The following NXPH1 variants were observed in gnomAD, a reference collection of about 807,000 sequenced individuals.
NXPH1 encodes neurexophilin-1.
A neutral mutation model predicts 23.7 loss-of-function variants in NXPH1; 5 were observed. The observed-to-expected ratio is 0.21, with a 90% CI of 0.11 to 0.44. The LOEUF (loss-of-function observed/expected upper bound fraction) is 0.44, where lower values mean the gene tolerates loss of function less well. Among genes scored for constraint, NXPH1 ranks in the 20% least tolerant of loss-of-function variants. The pLI is 0.99. For synonymous variants in NXPH1, 144 were observed against 122.2 expected, an observed-to-expected ratio of 1.18 and a Z score of -1.18; for missense variants, 324 against 321.6, an observed-to-expected ratio of 1.01 and a Z score of -0.06.
At chr7:8,649,163 A>T (rs1316230700) in intron 2 of NXPH1, among the ~76,000 whole-genome samples, 4 of 152,168 alleles carry the variant, frequency 2.6e-5, no homozygotes, top group African/African-American at 9.6e-5. Context: ...TTACAAAAAG[A>T]TGAAAGTCTG....
rs1410877144 is a variant in NXPH1 at position 8,718,605 on chromosome 7, CA to C, written c.55-32402del. Among the ~76,000 whole-genome samples the C allele has an allele frequency of 2.0e-5, 3 of 152,124 alleles. No homozygotes were observed. In the East Asian group the frequency reaches 5.8e-4, roughly 29 times the overall value. ...TAAAAATCTTTCTCAAAATGTAAAA[CA>C]GGGGGCAAGAGTTAATAGGATATTT... On this transcript the variant is annotated intron_variant, in intron 2 of 2. Transcript: ENST00000405863.
chr7:8,459,638 C>G (rs766897419), intron 2 of NXPH1, among the ~76,000 whole-genome samples: 1 of 152,116 alleles, frequency 6.6e-6, no homozygotes, highest in African/African-American at 2.4e-5. Flanking sequence ...TTCCAGTCTA[C>G]TAAACTTTTC....
intron 2 of NXPH1, among the ~76,000 whole-genome samples, chr7:8,540,965 T>A (rs544092041): frequency 6.6e-6 from 1 of 151,712 alleles, no homozygotes; most frequent in African/African-American, 2.4e-5. Flanking sequence ...GAACAAAGCT[T>A]AAGTATATTT....
In NXPH1 at chr7:8,751,766, A is replaced by T. The variant is rs779110302; in HGVS notation, c.813A>T (p.Gly271=). 3 of 1,606,578 alleles carry T rather than the reference A, an allele frequency of 1.9e-6. No homozygotes were observed. The highest frequency in any genetic ancestry group is 1.7e-6 in the Non-Finnish European group (2 of 1,176,324). ...GTGACACACCTTACTTTCCCTCGGGATGAAGGTGAACATGGGGGTGAGACT... is the reference window on the plus strand; with the variant it reads ...GTGACACACCTTACTTTCCCTCGGGTTGAAGGTGAACATGGGGGTGAGACT... ...YHSDTPYFPS[G] is the part of the protein sequence containing the mutation. The change falls in exon 3 of 3, where the codon GGA becomes GGT. Residue 271 remains glycine, a synonymous_variant. Coordinates refer to ENST00000405863, the MANE Select transcript of NXPH1 (RefSeq NM_152745.3). The surrounding 1 kb of genome is among the most constrained non-coding windows in gnomAD (Gnocchi z 4.5).
intron 2 of NXPH1, among the ~76,000 whole-genome samples, chr7:8,563,482 T>C (rs1186370362): frequency 6.6e-6 from 1 of 151,702 alleles, no homozygotes; most frequent in East Asian, 2.0e-4. Context: ...GAAAGCATAA[T>C]ATGTTGATGT....
rs183235968 is a variant in NXPH1, at chr7:8,707,686, C to A, written c.55-43322C>A. ...AGCAGTAAGACATATGAGAGATGAG[C>A]ATTGGTCTAATATTCAAAGGCCTAA... On this transcript the variant is annotated intron_variant, in intron 2 of 2. Transcript: ENST00000405863. Among the ~76,000 whole-genome samples, 75 of 152,100 alleles carry A rather than the reference C, an allele frequency of 4.9e-4. 1 individual carries two copies. The highest frequency in any genetic ancestry group is 1.7e-3 in the African/African-American group (72 of 41,490).
At chr7:8,643,250 A>G (rs186397848) in intron 2 of NXPH1, among the ~76,000 whole-genome samples, 143 of 152,144 alleles carry the variant, frequency 9.4e-4, no homozygotes, top group Middle Eastern at 3.4e-3. Context: ...CATTTTCGCT[A>G]TTTTATCTTG....
chr7:8,632,118 G>A (rs4629749), intron 2 of NXPH1, among the ~76,000 whole-genome samples: 41,751 of 151,808 alleles, frequency 0.28, 6,171 homozygotes, highest in African/African-American at 0.35. Context: ...GATGGCTGTG[G>A]TAACTTGAAA....
intron 2 of NXPH1, among the ~76,000 whole-genome samples, chr7:8,555,899 A>G (rs1306407865): frequency 6.6e-6 from 1 of 151,684 alleles, no homozygotes; most frequent in Non-Finnish European, 1.5e-5. Context: ...TCTATGTCCT[A>G]TGTCCCCACT....
At chr7:8,688,207 C>G (rs1197488093) in intron 2 of NXPH1, among the ~76,000 whole-genome samples, 1 of 152,076 alleles carries the variant, frequency 6.6e-6, no homozygotes, top group Non-Finnish European at 1.5e-5. Context: ...GCTCTAGGAT[C>G]TGATGTTCTT....
At chr7:8,694,872 GTTAAA>G (rs1821280788) in intron 2 of NXPH1, among the ~76,000 whole-genome samples, 2 of 152,268 alleles carry the variant, frequency 1.3e-5, no homozygotes, top group South Asian at 2.1e-4. Context: ...AAAAATAACT[GTTAAA>G]TTAAGTTTAA....
chr7:8,586,376 A>C (rs1261827629), intron 2 of NXPH1, among the ~76,000 whole-genome samples: 1 of 152,122 alleles, frequency 6.6e-6, no homozygotes, highest in East Asian at 1.9e-4. Context: ...TAATTCATAG[A>C]AACTTAATTA....
At chr7:8,723,393 A>C (rs963257376) in intron 2 of NXPH1, among the ~76,000 whole-genome samples, 4 of 152,186 alleles carry the variant, frequency 2.6e-5, no homozygotes, top group Admixed American at 2.6e-4. Context: ...TCTTGCCACT[A>C]AGAGACCATA....
At chr7:8,635,571 C>A (rs887566533) in intron 2 of NXPH1, among the ~76,000 whole-genome samples, 3 of 152,094 alleles carry the variant, frequency 2.0e-5, no homozygotes, top group Admixed American at 1.3e-4. Context: ...AAAGATGCAT[C>A]AAGATAGATA....
chr7:8,530,993 G>A (rs1220867892), intron 2 of NXPH1, among the ~76,000 whole-genome samples: 1 of 152,138 alleles, frequency 6.6e-6, no homozygotes, highest in Non-Finnish European at 1.5e-5. Context: ...GTAACCTAAG[G>A]TTTTATATGT....
intron 2 of NXPH1, among the ~76,000 whole-genome samples, chr7:8,723,394 A>G (rs1255838533): frequency 6.6e-6 from 1 of 152,218 alleles, no homozygotes; most frequent in Admixed American, 6.5e-5. Flanking sequence ...CTTGCCACTA[A>G]GAGACCATAC....
At chr7:8,472,030 T>C (rs1816880376) in intron 2 of NXPH1, among the ~76,000 whole-genome samples, 1 of 151,814 alleles carries the variant, frequency 6.6e-6, no homozygotes, top group Non-Finnish European at 1.5e-5. Flanking sequence ...TTTTATCATA[T>C]TTATAATATA....
intron 2 of NXPH1, among the ~76,000 whole-genome samples, chr7:8,452,962 T>C (rs1437557535): frequency 6.6e-6 from 1 of 152,118 alleles, no homozygotes; most frequent in East Asian, 1.9e-4. Flanking sequence ...AGTTTGCTTT[T>C]CTGGGGAAAG....
At chr7:8,541,486 C>A (rs1489941792) in intron 2 of NXPH1, among the ~76,000 whole-genome samples, 1 of 151,266 alleles carries the variant, frequency 6.6e-6, no homozygotes, top group Non-Finnish European at 1.5e-5. Flanking sequence ...TCCAATGAGC[C>A]CTAATCACAA....
Sources: gnomAD v4.1 joint callset for allele counts (sites outside exome capture counted in the v4.1 genomes callset) on GRCh38, gnomAD v4.1.1 for gene constraint, Gnocchi (gnomAD v3.1) non-coding constraint, MANE v1.5 for transcripts, NCBI Gene and HGNC (gene_info 2026-07-23, HGNC 2026-07-21) for gene names.